The following BLOC1S5 variants were observed in gnomAD, a reference collection of about 807,000 sequenced individuals.
The protein encoded by BLOC1S5 is biogenesis of lysosomal organelles complex 1 subunit 5.
Under a neutral mutation model 24.3 loss-of-function variants are expected in BLOC1S5, and 27 were observed. The observed-to-expected ratio is 1.11, with a 90% CI of 0.82 to 1.53. The LOEUF (loss-of-function observed/expected upper bound fraction) is 1.53. Ranked by LOEUF, BLOC1S5 falls within the 40% of genes most tolerant of loss-of-function variation. BLOC1S5 has a pLI of 0.00. For missense variants in BLOC1S5, 239 were observed against 229.4 expected, an observed-to-expected ratio of 1.04 and a Z score of -0.27; for synonymous variants, 84 against 74.5, an observed-to-expected ratio of 1.13 and a Z score of -0.66.
intron 2 of BLOC1S5, among the ~76,000 whole-genome samples, chr6:8,047,160 T>TCTCACACACACA (rs1475934039): frequency 5.5e-4 from 70 of 126,936 alleles, no homozygotes; most frequent in African/African-American, 2.1e-3. Context: ...TCTCTCTCTC[T>TCTCACACACACA]CACACACACA....
chr6:8,033,892 TG>T (rs1463423319), intron 3 of BLOC1S5, among the ~76,000 whole-genome samples: 1 of 152,220 alleles, frequency 6.6e-6, no homozygotes, highest in African/African-American at 2.4e-5. Context: ...TCATCGTCAC[TG>T]GTCATCAAAG....
chr6:8,049,328 G>A (rs1461138681), intron 2 of BLOC1S5, among the ~76,000 whole-genome samples: 2 of 150,818 alleles, frequency 1.3e-5, no homozygotes, highest in South Asian at 2.1e-4. Flanking sequence ...CCGCGATCGC[G>A]CCATTGCACT....
At chr6:8,054,761 T>C (rs1167575348) in intron 2 of BLOC1S5, among the ~76,000 whole-genome samples, 1 of 152,280 alleles carries the variant, frequency 6.6e-6, no homozygotes, top group Non-Finnish European at 1.5e-5. Flanking sequence ...TCCCTGAATG[T>C]AGTAGTGTGC....
In BLOC1S5 at chr6:8,064,175, AC is replaced by A. The variant is rs547965751; in HGVS notation, c.112+89del. On this transcript the variant is annotated intron_variant, in intron 1 of 4. Coordinates refer to ENST00000397457, the MANE Select transcript of BLOC1S5 (RefSeq NM_201280.3). Reference sequence around the variant, plus strand: ...ACAAACGCACGCGCGCCAGCCCGGGACCCGGGGGTCGGCCCGGGTCAGAGGG... The same window carrying A: ...ACAAACGCACGCGCGCCAGCCCGGGACCGGGGGTCGGCCCGGGTCAGAGGG... The A allele has an allele frequency of 2.6e-4, 290 of 1,129,510 alleles. 1 individual carries two copies. In the African/African-American group the frequency reaches 4.3e-3, roughly 17 times the overall value. 70.0% of individuals were successfully genotyped at this position (1,129,510 alleles called of 1,614,324 possible).
intron 1 of BLOC1S5, 56 bp from the exon 2 acceptor site, chr6:8,062,672 G>T: frequency 1.6e-6 from 2 of 1,213,322 alleles, no homozygotes; most frequent in Non-Finnish European, 2.4e-6. Context: ...ATAATCTCTA[G>T]CTTGTTTTAC....
rs1277408152 is a variant in BLOC1S5, at chr6:8,034,432, C to A, written c.325+6707G>T. ...CTAATAGGTGGGAATTGACAATGAG[C>A]CCCCTTGGACACAGGGCAGGGAACA... On this transcript the variant is annotated intron_variant, in intron 3 of 4. Coordinates refer to ENST00000397457, the MANE Select transcript of BLOC1S5 (RefSeq NM_201280.3). Among the ~76,000 whole-genome samples, 3 of 152,080 alleles carry A rather than the reference C, an allele frequency of 2.0e-5. No homozygotes were observed. In the East Asian group the frequency reaches 5.8e-4, roughly 29 times the overall value.
chr6:8,048,349 C>T (rs181476883), intron 2 of BLOC1S5, among the ~76,000 whole-genome samples: 6 of 152,290 alleles, frequency 3.9e-5, no homozygotes, highest in Non-Finnish European at 7.3e-5. Context: ...AAATGGAATT[C>T]GGAGACTGAG....
intron 2 of BLOC1S5, among the ~76,000 whole-genome samples, chr6:8,057,517 TGA>T (rs1391739189): frequency 2.0e-5 from 3 of 152,210 alleles, no homozygotes; most frequent in Non-Finnish European, 4.4e-5. Context: ...AGAGAGAAAA[TGA>T]GAGACTGACA....
intron 2 of BLOC1S5, among the ~76,000 whole-genome samples, chr6:8,055,457 T>A (rs1052324991): frequency 1.6e-4 from 24 of 152,154 alleles, no homozygotes; most frequent in Non-Finnish European, 1.5e-4. Flanking sequence ...AATAAAATAC[T>A]AGGTTATAGT....
Position 8,026,433 on chromosome 6 carries a change from G to GA in BLOC1S5, c.326-9dup. ...AGTCATTAGCTGCTTGCACTGAAAT[G>GA]AAAAAGACATGGGTTTTCAGTCAGC... On this transcript the variant is annotated splice_polypyrimidine_tract_variant and intron_variant, in intron 3 of 4. Coordinates refer to ENST00000397457, the MANE Select transcript of BLOC1S5 (RefSeq NM_201280.3). The GA allele has an allele frequency of 3.7e-6, 6 of 1,612,266 alleles. No homozygotes were observed. The highest frequency in any genetic ancestry group is 5.1e-6 in the Non-Finnish European group (6 of 1,179,030).
At chr6:8,029,006 T>G (rs916295735) in intron 3 of BLOC1S5, among the ~76,000 whole-genome samples, 6 of 152,196 alleles carry the variant, frequency 3.9e-5, no homozygotes, top group African/African-American at 1.4e-4. Context: ...CTTTTTCTCT[T>G]AACCAAAAGA....
At chr6:8,019,288 G>C (rs1296785789) in intron 4 of BLOC1S5, among the ~76,000 whole-genome samples, 1 of 118,488 alleles carries the variant, frequency 8.4e-6, no homozygotes, top group African/African-American at 3.1e-5. Flanking sequence ...TTTTTTTTGA[G>C]ATGGAGTTTC....
chr6:8,028,364 T>TTAA (rs1763178349), intron 3 of BLOC1S5, among the ~76,000 whole-genome samples: 2 of 146,068 alleles, frequency 1.4e-5, no homozygotes, highest in African/African-American at 5.0e-5. Flanking sequence ...AGAAAATATT[T>TTAA]AAAAAAAAAA....
At position 8,032,853 on chromosome 6, in the gene BLOC1S5, A is replaced by G. The variant is rs546290274; in HGVS notation, c.326-6428T>C. Among the ~76,000 whole-genome samples, 9 of 152,334 alleles carry G rather than the reference A, an allele frequency of 5.9e-5. No homozygotes were observed. The East Asian group carries it at 1.7e-3, about 29-fold the overall frequency. ...CATTAACAGACAAACAGAGAGCCAA[A>G]TCATGAGTGAACTCCCATTCACAAT... On this transcript the variant is annotated intron_variant, in intron 3 of 4. Coordinates refer to ENST00000397457, the MANE Select transcript of BLOC1S5 (RefSeq NM_201280.3).
At chr6:8,057,133 C>T (rs989084845) in intron 2 of BLOC1S5, among the ~76,000 whole-genome samples, 32 of 152,132 alleles carry the variant, frequency 2.1e-4, no homozygotes, top group African/African-American at 6.7e-4. Flanking sequence ...GCCGGAGAAT[C>T]GCTTGAATCT....
chr6:8,050,820 G>T (rs149138921), intron 2 of BLOC1S5, among the ~76,000 whole-genome samples: 1 of 151,840 alleles, frequency 6.6e-6, no homozygotes, highest in African/African-American at 2.4e-5. Context: ...GGCCAGGCTG[G>T]TCTTGAACTC....
intron 4 of BLOC1S5, among the ~76,000 whole-genome samples, chr6:8,017,384 A>AC (rs1762779275): frequency 1.1e-5 from 1 of 91,368 alleles, no homozygotes; most frequent in Non-Finnish European, 2.2e-5. Flanking sequence ...TCTCAAAAAC[A>AC]AACACACACA....
intron 4 of BLOC1S5, among the ~76,000 whole-genome samples, chr6:8,020,063 T>C (rs1479085824): frequency 6.6e-6 from 1 of 152,234 alleles, no homozygotes; most frequent in Non-Finnish European, 1.5e-5. Flanking sequence ...CACCATAATA[T>C]AAAATCTGAT....
intron 4 of BLOC1S5, among the ~76,000 whole-genome samples, chr6:8,019,830 T>C (rs1762863039): frequency 6.6e-6 from 1 of 152,204 alleles, no homozygotes; most frequent in Non-Finnish European, 1.5e-5. Context: ...TTACATACAA[T>C]TCTAACCAGC....
Sources: gnomAD v4.1 joint callset for allele counts (sites outside exome capture counted in the v4.1 genomes callset) on GRCh38, gnomAD v4.1.1 for gene constraint, MANE v1.5 for transcripts, NCBI Gene and HGNC (gene_info 2026-07-23, HGNC 2026-07-21) for gene names.